MACROD1: variants seen among roughly 807,000 people sequenced by gnomAD.
MACROD1 encodes ADP-ribose glycohydrolase MACROD1.
A neutral mutation model predicts 41.4 loss-of-function variants in MACROD1; 31 were observed. The observed-to-expected ratio is 0.75, with a 90% CI of 0.56 to 1.01. The LOEUF (loss-of-function observed/expected upper bound fraction) is 1.01. MACROD1 is among the 50% of genes least tolerant of loss of function. The pLI is 0.00. For missense variants in MACROD1, 473 were observed against 460.0 expected (o/e 1.03, Z -0.26); for synonymous variants, 252 against 203.4 (o/e 1.24, Z -2.03).
intron 3 of MACROD1, among the ~76,000 whole-genome samples, chr11:64,047,897 CAAA>C (rs35010371): frequency 1.6e-4 from 14 of 89,144 alleles, no homozygotes; most frequent in Non-Finnish European, 2.1e-4. Context: ...AACTCCGTCT[CAAA>C]AAAAAAAAAA....
At chr11:64,076,288 T>C (rs1002648052) in intron 3 of MACROD1, among the ~76,000 whole-genome samples, 2 of 151,998 alleles carry the variant, frequency 1.3e-5, no homozygotes, top group Non-Finnish European at 2.9e-5. Context: ...ACTGCATGGG[T>C]CAAAAGACCC....
intron 3 of MACROD1, among the ~76,000 whole-genome samples, chr11:64,116,037 G>A (rs569627478): frequency 6.6e-6 from 1 of 152,284 alleles, no homozygotes; most frequent in African/African-American, 2.4e-5. Context: ...ACCTCGGCGG[G>A]AGCAATCACC....
rs747428002 is a variant in MACROD1 at position 64,082,408 on chromosome 11, G to C, written c.518-67127C>G. On this transcript the variant is annotated intron_variant, in intron 3 of 10. Coordinates refer to ENST00000255681, the MANE Select transcript of MACROD1 (RefSeq NM_014067.4). This position sits in a 1 kb window ranked among gnomAD's most constrained non-coding sequence, Gnocchi z 4.5. ...GATGGCTGGGAGGGAGCCTGAAGTG[G>C]GGGCGTCCTAAGGTGAGGGGCAGGC... 2.6e-5 allele frequency among the ~76,000 whole-genome samples: 4 copies of C among 152,000 alleles called. No individual in the cohort carries two copies. Among genetic ancestry groups the C allele is most frequent in the African/African-American group, 7.2e-5 (3 of 41,384 alleles).
rs566797189 is a variant in MACROD1, at chr11:64,060,207, A to G, written c.518-44926T>C. Among the ~76,000 whole-genome samples the G allele has an allele frequency of 1.4e-3, 217 of 152,374 alleles. 1 individual carries two copies. The highest frequency in any genetic ancestry group is 2.4e-3 in the Non-Finnish European group (163 of 68,026). On this transcript the variant is annotated intron_variant, in intron 3 of 10. Coordinates refer to ENST00000255681, the MANE Select transcript of MACROD1 (RefSeq NM_014067.4). The stretch of plus-strand genomic sequence containing the variant: ...CATCTGCCCAGCGGGCAGAGAGGCC[A>G]GGCCCACATTTCAAGCGGCCTGACA...
At position 64,045,222 on chromosome 11, in the gene MACROD1, G is replaced by A. The variant is rs1330059838; in HGVS notation, c.518-29941C>T. 2.0e-5 allele frequency among the ~76,000 whole-genome samples: 3 copies of A among 152,190 alleles called. No homozygotes were observed. The East Asian group carries it at 5.8e-4, about 29-fold the overall frequency. On this transcript the variant is annotated intron_variant, in intron 3 of 10. Coordinates refer to ENST00000255681, the MANE Select transcript of MACROD1 (RefSeq NM_014067.4). ...CTGCCCGCTGGTGCCCTCGGGAGGA[G>A]TGGGGCGGGTGGTGGGCGAAGGGGC...
In MACROD1 at chr11:64,000,224, C is replaced by A; in HGVS notation, c.664+3G>T. 1 of 1,603,412 alleles carries A rather than the reference C, an allele frequency of 6.2e-7. No individual in the cohort carries two copies. The highest frequency in any genetic ancestry group is 8.5e-7 in the Non-Finnish European group (1 of 1,176,036). Reference sequence around the variant, plus strand: ...CACAGCTGGGGGCGCGTCGGGGACTCACACTTGGCCGGGAGCCGATAGCCG... The same window carrying A: ...CACAGCTGGGGGCGCGTCGGGGACTAACACTTGGCCGGGAGCCGATAGCCG... On this transcript the variant is annotated splice_donor_region_variant and intron_variant, in intron 5 of 10. Coordinates refer to ENST00000255681, the MANE Select transcript of MACROD1 (RefSeq NM_014067.4).
chr11:64,141,459 G>A (rs766722982), intron 3 of MACROD1, among the ~76,000 whole-genome samples: 5 of 152,230 alleles, frequency 3.3e-5, no homozygotes, highest in African/African-American at 4.8e-5. Flanking sequence ...GGCACACAGA[G>A]TACCCATCCG....
chr11:64,113,582 CATGG>C (rs1944902069), intron 3 of MACROD1, among the ~76,000 whole-genome samples: 2 of 99,152 alleles, frequency 2.0e-5, no homozygotes, highest in Non-Finnish European at 4.0e-5. Context: ...GCATGGATAG[CATGG>C]ATGGATGGAT....
chr11:64,071,937 C>G (rs925941086), intron 3 of MACROD1, among the ~76,000 whole-genome samples: 5 of 152,188 alleles, frequency 3.3e-5, no homozygotes. Flanking sequence ...TTCTAGGTCC[C>G]GGCTCTGCAG....
chr11:64,141,811 G>C (rs1945418222), intron 3 of MACROD1, among the ~76,000 whole-genome samples: 1 of 152,176 alleles, frequency 6.6e-6, no homozygotes, highest in South Asian at 2.1e-4. Flanking sequence ...CCATGTGGGG[G>C]CAGCAGACTC....
chr11:64,103,805 G>A (rs1944712122), intron 3 of MACROD1: 1 of 152,176 alleles, frequency 6.6e-6, no homozygotes, highest in Non-Finnish European at 1.5e-5. Context: ...GGAGTCCTGG[G>A]GTCCAGAGGG....
chr11:64,037,373 C>A (rs1477450766), intron 3 of MACROD1, among the ~76,000 whole-genome samples: 3 of 151,890 alleles, frequency 2.0e-5, no homozygotes. Context: ...GCTCCAGATT[C>A]CAGTTTCTGG....
chr11:64,125,944 C>T (rs983784290), intron 3 of MACROD1, among the ~76,000 whole-genome samples: 7 of 152,304 alleles, frequency 4.6e-5, no homozygotes, highest in Admixed American at 1.3e-4. Flanking sequence ...CACCACAAAC[C>T]GACAATCAAA....
At chr11:64,153,157 G>T (rs1945610303) in intron 1 of MACROD1, among the ~76,000 whole-genome samples, 1 of 152,096 alleles carries the variant, frequency 6.6e-6, no homozygotes, top group African/African-American at 2.4e-5. Context: ...CTTCCCTTGG[G>T]GGTGGCACCA....
intron 3 of MACROD1, among the ~76,000 whole-genome samples, chr11:64,147,744 T>C (rs1418256907): frequency 7.9e-4 from 1 of 1,258 alleles, no homozygotes; most frequent in Non-Finnish European, 0.016. Context: ...TGTTCTATTA[T>C]ATATATATAT....
In MACROD1 at chr11:64,036,180, C is replaced by CG. The variant is rs1943376403; in HGVS notation, c.518-20900dup. The CG allele has an allele frequency of 6.6e-6, 1 of 152,096 alleles. No individual in the cohort carries two copies. The highest frequency in any genetic ancestry group is 1.5e-5 in the Non-Finnish European group (1 of 68,024). 9.4% of individuals were successfully genotyped at this position (152,096 alleles called of 1,614,324 possible). A position where few individuals can be genotyped will look rare whatever the true frequency, so the allele number is the denominator to read the frequency against. On this transcript the variant is annotated intron_variant, in intron 3 of 10. Coordinates refer to ENST00000255681, the MANE Select transcript of MACROD1 (RefSeq NM_014067.4). This position sits in a 1 kb window ranked among gnomAD's most constrained non-coding sequence, Gnocchi z 5.6. The stretch of plus-strand genomic sequence containing the variant: ...CGCAGGTAGGGCTGGCTGCACCGGG[C>CG]GGGGGTCGGGGTCCGCGCGTCTGGG...
chr11:64,163,164 GT>G (rs1945783578), intron 1 of MACROD1, among the ~76,000 whole-genome samples: 1 of 151,114 alleles, frequency 6.6e-6, no homozygotes, highest in South Asian at 2.1e-4. Context: ...AATTAGCCGG[GT>G]ATAGTGGTGG....
chr11:64,015,150 G>A, intron 4 of MACROD1, 102 bp downstream of exon 4: 1 of 1,246,342 alleles, frequency 8.0e-7, no homozygotes, highest in Non-Finnish European at 1.1e-6. Context: ...GGGGAAGGTG[G>A]ATTGCAGTGA....
chr11:64,052,539 A>G (rs1303312539), intron 3 of MACROD1, among the ~76,000 whole-genome samples: 3 of 152,186 alleles, frequency 2.0e-5, no homozygotes, highest in Non-Finnish European at 4.4e-5. Context: ...GATGGTCAGG[A>G]GCAGGACAGT....
Sources: gnomAD v4.1 joint callset for allele counts (sites outside exome capture counted in the v4.1 genomes callset) on GRCh38, gnomAD v4.1.1 for gene constraint, Gnocchi (gnomAD v3.1) non-coding constraint, MANE v1.5 for transcripts, NCBI Gene and HGNC (gene_info 2026-07-23, HGNC 2026-07-21) for gene names.